The following ADGRL3 variants were observed in gnomAD, a reference collection of about 807,000 sequenced individuals.
ADGRL3 encodes the protein calcium-independent alpha-latrotoxin receptor 3.
ADGRL3 carries 62 observed loss-of-function variants against 153.5 expected under a neutral mutation model. That is an observed-to-expected ratio of 0.40 (90% CI 0.33 to 0.50). The LOEUF is 0.50. Ranked by LOEUF, ADGRL3 falls within the 20% of genes least tolerant of loss-of-function variation. The pLI is 0.47. For missense variants in ADGRL3, 1,641 were observed against 1,859.4 expected (o/e 0.88, Z 2.16); for synonymous variants, 710 against 672.5 (o/e 1.06, Z -0.86).
intron 6 of ADGRL3, among the ~76,000 whole-genome samples, chr4:61,699,213 GA>G (rs1474573031): frequency 1.3e-5 from 2 of 152,126 alleles, no homozygotes; most frequent in Admixed American, 1.3e-4. Flanking sequence ...GTGATTTTGA[GA>G]GTGCACTCTG....
chr4:61,615,129 G>C (rs779341899), intron 5 of ADGRL3, among the ~76,000 whole-genome samples: 11 of 152,146 alleles, frequency 7.2e-5, no homozygotes, highest in African/African-American at 2.7e-4. Context: ...GATTAAAAAT[G>C]AGTACAGTTT....
chr4:61,213,936 T>C (rs2148898291), intron 1 of ADGRL3, among the ~76,000 whole-genome samples: 1 of 152,242 alleles, frequency 6.6e-6, no homozygotes, highest in East Asian at 1.9e-4. Context: ...TCTACTTGGT[T>C]ACAGATCCAG....
intron 2 of ADGRL3, among the ~76,000 whole-genome samples, chr4:61,440,195 T>A (rs1247267758): frequency 6.6e-6 from 1 of 151,998 alleles, no homozygotes; most frequent in Non-Finnish European, 1.5e-5. Flanking sequence ...ATCACAGGCA[T>A]GCGCCACCAC....
chr4:61,334,184 T>C (rs1337709724), intron 1 of ADGRL3, among the ~76,000 whole-genome samples: 1 of 152,198 alleles, frequency 6.6e-6, no homozygotes, highest in Non-Finnish European at 1.5e-5. Flanking sequence ...CCCAAAGTGT[T>C]GGGATTACAG....
chr4:61,248,300 C>A (rs752795126), intron 1 of ADGRL3, among the ~76,000 whole-genome samples: 76 of 151,762 alleles, frequency 5.0e-4, no homozygotes, highest in Admixed American at 5.3e-4. Flanking sequence ...ACTAAGCATG[C>A]CCTAAATTGA....
At chr4:61,860,707 T>C (rs1210726521) in intron 9 of ADGRL3, among the ~76,000 whole-genome samples, 1 of 152,208 alleles carries the variant, frequency 6.6e-6, no homozygotes, top group Non-Finnish European at 1.5e-5. Context: ...CAGAACCCTT[T>C]CATATTATTA....
chr4:61,907,127 G>A (rs899362791), intron 11 of ADGRL3, among the ~76,000 whole-genome samples: 2 of 152,238 alleles, frequency 1.3e-5, no homozygotes, highest in Middle Eastern at 3.4e-3. Context: ...GCCCAAGAAA[G>A]AATTTAGGGT....
At chr4:61,537,630 C>T (rs1313280901) in intron 4 of ADGRL3, among the ~76,000 whole-genome samples, 1 of 151,764 alleles carries the variant, frequency 6.6e-6, no homozygotes, top group East Asian at 1.9e-4. Context: ...GTCTGAAATT[C>T]TTTCTTCTTC....
In ADGRL3 at chr4:61,895,752, T is replaced by C. The variant is rs1198513127; in HGVS notation, c.1805T>C (p.Leu602Pro). 1 of 1,599,132 alleles carries C rather than the reference T, an allele frequency of 6.3e-7. No individual in the cohort carries two copies. The highest frequency in any genetic ancestry group is 8.5e-7 in the Non-Finnish European group (1 of 1,171,408). The change falls in exon 11 of 27, where the codon CTT becomes CCT. Residue 602 changes from leucine (L) to proline (P), a missense_variant. Transcript: ENST00000683033. ...GTIGVSTYLC[L>P]APDGIWDPQG... ...ACAGGTGTATCAACTTATCTATGCC[T>C]TGCTCCTGATGGAATTTGGGATCCC...
At chr4:61,320,425 G>A (rs1271458533) in intron 1 of ADGRL3, among the ~76,000 whole-genome samples, 1 of 152,154 alleles carries the variant, frequency 6.6e-6, no homozygotes, top group Non-Finnish European at 1.5e-5. Context: ...TAAGGAACTG[G>A]CTCACATAAT....
chr4:61,260,912 G>T (rs1267801242), intron 1 of ADGRL3, among the ~76,000 whole-genome samples: 1 of 151,942 alleles, frequency 6.6e-6, no homozygotes, highest in Non-Finnish European at 1.5e-5. Context: ...TTTTTGTAGA[G>T]ACAAGCTCCC....
At chr4:61,499,760 A>G (rs953649465) in intron 3 of ADGRL3, among the ~76,000 whole-genome samples, 5 of 152,204 alleles carry the variant, frequency 3.3e-5, no homozygotes, top group Admixed American at 2.6e-4. Context: ...ACACACACAC[A>G]ATTCGTATTC....
At chr4:62,032,364 C>T (rs949419945) in intron 23 of ADGRL3, among the ~76,000 whole-genome samples, 19 of 151,412 alleles carry the variant, frequency 1.3e-4, no homozygotes, top group African/African-American at 3.9e-4. Context: ...CAATCTTATA[C>T]ACTTTAACTT....
chr4:61,213,893 C>T (rs1215956635), intron 1 of ADGRL3, among the ~76,000 whole-genome samples: 1 of 152,032 alleles, frequency 6.6e-6, no homozygotes, highest in African/African-American at 2.4e-5. Context: ...AGTATAATTA[C>T]TAGATCAAAG....
chr4:61,725,249 T>C (rs962524932), intron 6 of ADGRL3, among the ~76,000 whole-genome samples: 1 of 152,140 alleles, frequency 6.6e-6, no homozygotes, highest in Non-Finnish European at 1.5e-5. Flanking sequence ...TTATTAGCCA[T>C]AGAGCCATGG....
At chr4:61,354,369 C>T (rs2096119007) in intron 1 of ADGRL3, among the ~76,000 whole-genome samples, 3 of 152,062 alleles carry the variant, frequency 2.0e-5, no homozygotes, top group African/African-American at 7.2e-5. Context: ...CAGTACATTA[C>T]ACAATGGACA....
intron 6 of ADGRL3, among the ~76,000 whole-genome samples, chr4:61,689,224 C>T (rs1486998913): frequency 6.6e-6 from 1 of 152,114 alleles, no homozygotes; most frequent in Non-Finnish European, 1.5e-5. Context: ...GATTTCCCTC[C>T]AGGCCCAGCT....
chr4:61,641,333 T>C (rs1025886153), intron 5 of ADGRL3, among the ~76,000 whole-genome samples: 3 of 151,916 alleles, frequency 2.0e-5, no homozygotes, highest in African/African-American at 7.2e-5. Context: ...TTGGGGTAAA[T>C]GTGCAGGTTA....
chr4:61,253,505 G>T (rs747915770), intron 1 of ADGRL3, among the ~76,000 whole-genome samples: 21 of 152,040 alleles, frequency 1.4e-4, no homozygotes, highest in Non-Finnish European at 2.6e-4. Context: ...GAAAGTCTTT[G>T]TACCAAAGAC....
Sources: allele counts gnomAD v4.1 joint callset (sites outside exome capture counted in the v4.1 genomes callset), GRCh38; gene constraint gnomAD v4.1.1; transcripts MANE v1.5; gene names NCBI Gene and HGNC (gene_info 2026-07-23, HGNC 2026-07-21).